AKAP13: variants seen among roughly 807,000 people sequenced by gnomAD.
AKAP13 encodes A-kinase anchoring protein 13.
A neutral mutation model predicts 264.5 loss-of-function variants in AKAP13; 80 were observed. The observed-to-expected ratio is 0.30, with a 90% CI of 0.25 to 0.36. The LOEUF (loss-of-function observed/expected upper bound fraction) is 0.36, where lower values mean the gene tolerates loss of function less well. Among genes scored for constraint, AKAP13 ranks in the 10% least tolerant of loss-of-function variants. The pLI is 1.00. For synonymous variants in AKAP13, 1,380 were observed against 1,250.2 expected (o/e 1.10, Z -2.19); for missense variants, 3,712 against 3,435.2 (o/e 1.08, Z -2.01).
At chr15:85,481,593 T>C (rs2075354107) in intron 1 of AKAP13, among the ~76,000 whole-genome samples, 1 of 152,240 alleles carries the variant, frequency 6.6e-6, no homozygotes, top group East Asian at 1.9e-4. Flanking sequence ...TACAAATTCT[T>C]AACTTCTGTG....
chr15:85,553,551 A>G (rs575448545), intron 5 of AKAP13, among the ~76,000 whole-genome samples: 11 of 152,344 alleles, frequency 7.2e-5, no homozygotes, highest in Admixed American at 2.0e-4. Flanking sequence ...TTGTTTTTGC[A>G]TATGACATTA....
Position 85,741,031 on chromosome 15 carries a change from CTG to C in AKAP13, c.7609-10_7609-9del. 6.3e-7 allele frequency: 1 copy of C among 1,592,616 alleles called. No individual in the cohort carries two copies. Among genetic ancestry groups the C allele is most frequent in the East Asian group, 2.2e-5 (1 of 44,678 alleles). ...CTGGCCAGAGTTGCAGGGCTCCCCT[CTG>C]TGTGCCTCCCAGGGTGTGGTGCTGC... On this transcript the variant is annotated splice_polypyrimidine_tract_variant and intron_variant, in intron 34 of 36. Coordinates refer to ENST00000394518, the MANE Select transcript of AKAP13 (RefSeq NM_007200.5).
Position 85,735,002 on chromosome 15 carries a change from T to A in AKAP13, c.7293T>A (p.Leu2431=). 6.2e-7 allele frequency: 1 copy of A among 1,613,574 alleles called. No homozygotes were observed. Among genetic ancestry groups the A allele is most frequent in the Non-Finnish European group, 8.5e-7 (1 of 1,179,852 alleles). ...MKSAINEVEI[L]QGLVSGNLGG... is the part of the protein sequence containing the mutation. ...TTTCCTTTATTCCAGTGGAGATCCT[T>A]CAGGGTTTGGTGAGTGGAAATCTGG... is the stretch of plus-strand genomic sequence containing the variant. Residue 2431 remains leucine, a synonymous_variant, in exon 31 of 37, where the codon CTT becomes CTA. Transcript: ENST00000394518.
chr15:85,453,580 TC>T (rs1191940093), intron 1 of AKAP13, among the ~76,000 whole-genome samples: 1 of 151,778 alleles, frequency 6.6e-6, no homozygotes, highest in Non-Finnish European at 1.5e-5. Context: ...AGTTGGGAGG[TC>T]CCCCAGTGAG....
Position 85,735,151 on chromosome 15 carries a change from G to A in AKAP13, c.7441+1G>A. 9 of 1,613,070 alleles carry A rather than the reference G, an allele frequency of 5.6e-6. No homozygotes were observed. Among genetic ancestry groups the A allele is most frequent in the Non-Finnish European group, 7.6e-6 (9 of 1,179,630 alleles). On this transcript the variant is annotated splice_donor_variant, in intron 31 of 36. Coordinates refer to ENST00000394518, the MANE Select transcript of AKAP13 (RefSeq NM_007200.5). LOFTEE classifies it high-confidence loss of function. ...AGCCATCAGATGAATGCTTCAAAAGGTAAATGATGTGAAGTCATGAGCTTT... is the reference window on the plus strand; with the variant it reads ...AGCCATCAGATGAATGCTTCAAAAGATAAATGATGTGAAGTCATGAGCTTT...
intron 12 of AKAP13, among the ~76,000 whole-genome samples, chr15:85,660,381 CT>C (rs1276787518): frequency 8.8e-6 from 1 of 113,768 alleles, no homozygotes; most frequent in African/African-American, 3.2e-5. Context: ...AAAAAAAAAG[CT>C]TTTATGTCTG....
In AKAP13 at chr15:85,734,985, AT is replaced by A; in HGVS notation, c.7283-5del. On this transcript the variant is annotated splice_region_variant and splice_polypyrimidine_tract_variant and intron_variant, in intron 30 of 36. Coordinates refer to ENST00000394518, the MANE Select transcript of AKAP13 (RefSeq NM_007200.5). ...GATGTCAGCTTTGCATGTTTCCTTT[AT>A]TCCAGTGGAGATCCTTCAGGGTTTG... The A allele has an allele frequency of 6.2e-7, 1 of 1,611,416 alleles. No individual in the cohort carries two copies. The highest frequency in any genetic ancestry group is 8.5e-7 in the Non-Finnish European group (1 of 1,179,184).
At position 85,613,691 on chromosome 15, in the gene AKAP13, A is replaced by AATAT. The variant is rs751538813; in HGVS notation, c.4162-25664_4162-25661dup. Among the ~76,000 whole-genome samples, 85 of 91,938 alleles carry AATAT rather than the reference A, an allele frequency of 9.2e-4. 2 individuals carry two copies. Among genetic ancestry groups the AATAT allele is most frequent in the African/African-American group, 2.8e-3 (62 of 21,934 alleles). The allele number at this position is 91,938 out of a possible 152,430, so 60.3% of individuals were successfully genotyped here. ...GCCAGACTCCGTCTAAAAAAAAAAA[A>AATAT]ATATATATATATATATATATATTAG... On this transcript the variant is annotated intron_variant, in intron 8 of 36. Transcript: ENST00000394518.
At chr15:85,662,605 G>T in intron 12 of AKAP13, 6 of 841,318 alleles carry the variant, frequency 7.1e-6, no homozygotes, top group Non-Finnish European at 9.8e-6. Flanking sequence ...TTTGCTATGG[G>T]TGTCACTAAC....
At chr15:85,401,339 T>A (rs1395316793) in intron 1 of AKAP13, among the ~76,000 whole-genome samples, 1 of 152,224 alleles carries the variant, frequency 6.6e-6, no homozygotes, top group Non-Finnish European at 1.5e-5. Context: ...AGATGTTACT[T>A]GGTTTTGGTA....
Position 85,743,726 on chromosome 15 carries a change from G to T in AKAP13, c.8293G>T (p.Ala2765Ser), listed in dbSNP as rs1221823340. 1 of 1,614,124 alleles carries T rather than the reference G, an allele frequency of 6.2e-7. No individual in the cohort carries two copies. Residue 2765 changes from alanine (A) to serine (S), a missense_variant, in exon 36 of 37, where the codon GCG becomes TCG. Physicochemically the swap from Ala to Ser is moderately conservative, Grantham distance 99 (BLOSUM62 1). Around this residue, in one of 3 missense-constraint regions of AKAP13, gnomAD observed 611 missense variants for 539.3 expected, o/e 1.13. Transcript: ENST00000394518. ...KGPEGQSQAP[A>S]STSASTRLFG... ...ACCAGAAGGGCAGAGCCAGGCCCCT[G>T]CGTCCACCTCTGCCTCTACCCGCCT...
At chr15:85,743,391 C>G in intron 35 of AKAP13, 101 bp from the exon 36 acceptor site, 3 of 1,311,574 alleles carry the variant, frequency 2.3e-6, no homozygotes, top group Non-Finnish European at 3.2e-6. Context: ...TGGGTAAGTA[C>G]CCAGCCAGCA....
intron 16 of AKAP13, among the ~76,000 whole-genome samples, chr15:85,688,900 AGTGCTGTTTCCTG>A (rs1460742252): frequency 6.6e-6 from 1 of 152,218 alleles, no homozygotes; most frequent in Non-Finnish European, 1.5e-5. Context: ...TTTGAGAGAT[AGTGCTGTTTCCTG>A]CTAAGTAATT....
At chr15:85,530,036 C>T (rs911102698) in intron 3 of AKAP13, among the ~76,000 whole-genome samples, 19 of 152,122 alleles carry the variant, frequency 1.2e-4, no homozygotes, top group African/African-American at 3.6e-4. Context: ...TCTGCCTTCT[C>T]GGTTATACAG....
Position 85,579,524 on chromosome 15 carries a change from C to T in AKAP13, c.1456C>T (p.Leu486Phe). ...CACTGCAGGGGAAATGGAACATGGGCTCATGAACCCAGATGCCACTGTTTG... is the reference window on the plus strand; with the variant it reads ...CACTGCAGGGGAAATGGAACATGGGTTCATGAACCCAGATGCCACTGTTTG... ...PDTAGEMEHG[L>F]MNPDATVWKN... Residue 486 changes from leucine (L) to phenylalanine (F), a missense_variant, in exon 7 of 37, where the codon CTC (leucine) becomes TTC (phenylalanine). Physicochemically the swap from Leu to Phe is conservative, Grantham distance 22 (BLOSUM62 0). Transcript: ENST00000394518. 6.2e-7 allele frequency: 1 copy of T among 1,614,134 alleles called. No homozygotes were observed. Among genetic ancestry groups the T allele is most frequent in the Non-Finnish European group, 8.5e-7 (1 of 1,180,022 alleles).
At chr15:85,566,185 CAG>C (rs1391908770) in intron 5 of AKAP13, among the ~76,000 whole-genome samples, 1 of 152,196 alleles carries the variant, frequency 6.6e-6, no homozygotes, top group Non-Finnish European at 1.5e-5. Flanking sequence ...CATCTCAAAT[CAG>C]GTACATTTTG....
At chr15:85,419,207 C>T (rs1459937208) in intron 1 of AKAP13, among the ~76,000 whole-genome samples, 1 of 152,308 alleles carries the variant, frequency 6.6e-6, no homozygotes, top group East Asian at 1.9e-4. Context: ...AACTTCTTTG[C>T]AAGTACTTTG....
At chr15:85,612,973 C>T (rs977373242) in intron 8 of AKAP13, among the ~76,000 whole-genome samples, 9 of 152,130 alleles carry the variant, frequency 5.9e-5, no homozygotes, top group Non-Finnish European at 7.3e-5. Context: ...AAGATTTCTA[C>T]ATGTGAGAAG....
intron 34 of AKAP13, chr15:85,740,587 G>A (rs1198541205): frequency 2.2e-5 from 8 of 369,446 alleles, no homozygotes; most frequent in East Asian, 9.6e-5. Context: ...TCTATATTCC[G>A]TATCTCTGTG....
Sources: allele counts gnomAD v4.1 joint callset (sites outside exome capture counted in the v4.1 genomes callset), GRCh38; gene constraint gnomAD v4.1.1; regional missense constraint gnomAD v4.1.1; transcripts MANE v1.5; gene names NCBI Gene and HGNC (gene_info 2026-07-23, HGNC 2026-07-21).